Variants in NWD1 observed in about 807,000 individuals in gnomAD.
NWD1 encodes NACHT and WD repeat domain containing 1, also known as NACHT domain- and WD repeat-containing protein 1.
NWD1 carries 129 observed loss-of-function variants against 135.1 expected under a neutral mutation model. That is an observed-to-expected ratio of 0.96 (90% confidence interval 0.83 to 1.11). NWD1 has a LOEUF of 1.11. Among genes scored for constraint, NWD1 ranks in the 50% least tolerant of loss-of-function variants. The pLI is 0.00. For missense variants in NWD1, 1,740 were observed against 1,851.3 expected, an observed-to-expected ratio of 0.94 and a Z score of 1.10; for synonymous variants, 773 against 786.0, an observed-to-expected ratio of 0.98 and a Z score of 0.28.
At chr19:16,761,457 A>T (rs1969009767) in intron 7 of NWD1, among the ~76,000 whole-genome samples, 1 of 151,444 alleles carries the variant, frequency 6.6e-6, no homozygotes, top group East Asian at 1.9e-4. Context: ...GCTCACTGCA[A>T]CCTCCACCTG....
At chr19:16,772,996 G>A in intron 10 of NWD1, 130 bp from the exon 11 acceptor site, 2 of 750,548 alleles carry the variant, frequency 2.7e-6, no homozygotes, top group East Asian at 5.0e-5. Flanking sequence ...GGAGCGGACA[G>A]CAGAGGCCAG....
chr19:16,723,333 G>A (rs1199122497), intron 1 of NWD1, among the ~76,000 whole-genome samples: 1 of 152,046 alleles, frequency 6.6e-6, no homozygotes, highest in Admixed American at 6.6e-5. Flanking sequence ...TGAATAGCTG[G>A]GACTACAGGT....
chr19:16,761,689 A>G (rs573430816), intron 7 of NWD1, among the ~76,000 whole-genome samples: 16 of 152,156 alleles, frequency 1.1e-4, no homozygotes, highest in Non-Finnish European at 2.4e-4. Context: ...AATTCTCGGT[A>G]TATACCCAGG....
Position 16,744,653 on chromosome 19 carries a change from G to T in NWD1, c.431G>T (p.Gly144Val). ...EATLTSVLRSGAQEARRLGLI... is the reference protein window; with the variant it reads ...EATLTSVLRSVAQEARRLGLI... ...ACCTTAACTTCTGTCCTACGCTCTG[G>T]AGCCCAGGAGGCCCGGAGGCTGGGG... The change falls in exon 5 of 19, where the codon GGA (glycine) becomes GTA (valine). Residue 144 changes from glycine (G) to valine (V), a missense_variant. Gly to Val is a moderately radical substitution (Grantham distance 109). Transcript: ENST00000524140. 6.5e-7 allele frequency: 1 copy of T among 1,535,878 alleles called. No individual in the cohort carries two copies.
chr19:16,720,290 G>C lies in NWD1; in HGVS notation c.-108G>C, dbSNP rs1486986580. ...AATAACATGTAGAAACATATCAGCT[G>C]TTGGTGAGTACCATGCAGAAAATTA... On this transcript the variant is annotated 5_prime_UTR_variant, in exon 1 of 19. Coordinates refer to ENST00000524140, the MANE Select transcript of NWD1 (RefSeq NM_001007525.5). 1.3e-5 allele frequency: 2 copies of C among 152,330 alleles called. No individual in the cohort carries two copies. The highest frequency in any genetic ancestry group is 3.9e-4 in the East Asian group (2 of 5,194). 9.4% of individuals were successfully genotyped at this position (152,330 alleles called of 1,614,324 possible). A position where few individuals can be genotyped will look rare whatever the true frequency, so the allele number is the denominator to read the frequency against.
At chr19:16,782,545 A>G (rs1260194870) in intron 12 of NWD1, among the ~76,000 whole-genome samples, 1 of 152,162 alleles carries the variant, frequency 6.6e-6, no homozygotes, top group African/African-American at 2.4e-5. Context: ...TAGAGATGAC[A>G]TATTCAAATT....
At chr19:16,791,286 C>G in intron 13 of NWD1, 64 bp from the exon 14 acceptor site, 2 of 1,459,896 alleles carry the variant, frequency 1.4e-6, no homozygotes, top group Non-Finnish European at 1.9e-6. Context: ...TTGCATTTGA[C>G]TCCGGGAAAC....
At chr19:16,747,759 C>T (rs1968385857) in intron 5 of NWD1, among the ~76,000 whole-genome samples, 1 of 152,134 alleles carries the variant, frequency 6.6e-6, no homozygotes, top group Admixed American at 6.6e-5. Context: ...CATCAATCTG[C>T]TTTCTGTCTC....
intron 12 of NWD1, among the ~76,000 whole-genome samples, chr19:16,783,658 T>A (rs1029797686): frequency 1.2e-4 from 17 of 144,492 alleles, no homozygotes; most frequent in Admixed American, 4.8e-4. Flanking sequence ...AATAAAATAA[T>A]AAATAAATAA....
rs1205720938 is a variant in NWD1 at position 16,785,766 on chromosome 19, A to G, written c.2732-3216A>G. Among the ~76,000 whole-genome samples, 3 of 146,896 alleles carry G rather than the reference A, an allele frequency of 2.0e-5. No homozygotes were observed. The Admixed American group carries it at 2.0e-4, about 10-fold the overall frequency. On this transcript the variant is annotated intron_variant, in intron 12 of 18. Transcript: ENST00000524140. ...CATGAAAGTATATATACATATATAC[A>G]AAAACAAATATATACATAAATATAT... is the stretch of plus-strand genomic sequence containing the variant.
intron 10 of NWD1, among the ~76,000 whole-genome samples, chr19:16,769,410 C>T (rs888211796): frequency 1.3e-5 from 2 of 151,512 alleles, no homozygotes; most frequent in South Asian, 4.1e-4. Flanking sequence ...TGCAGTGAGC[C>T]GGGATCACAC....
chr19:16,815,391 T>C lies in NWD1; in HGVS notation c.*352T>C. The C allele has an allele frequency of 3.1e-6, 2 of 646,214 alleles. No homozygotes were observed. Among genetic ancestry groups the C allele is most frequent in the Non-Finnish European group, 5.6e-6 (2 of 360,240 alleles). The allele number at this position is 646,214 out of a possible 1,614,324, so 40.0% of individuals were successfully genotyped here. On this transcript the variant is annotated 3_prime_UTR_variant, in exon 19 of 19. Coordinates refer to ENST00000524140, the MANE Select transcript of NWD1 (RefSeq NM_001007525.5). ...GCTCCAGTGAGTTAGCCCCATTTAA[T>C]CTAGTTAAAGCAAAAAGAATACGTT... is the stretch of plus-strand genomic sequence containing the variant.
intron 12 of NWD1, among the ~76,000 whole-genome samples, chr19:16,787,904 A>AATCATCATCATC (rs149004219): frequency 2.5e-5 from 3 of 121,042 alleles, no homozygotes; most frequent in Non-Finnish European, 3.4e-5. Context: ...TAATAATAAT[A>AATCATCATCATC]ATCATCATCA....
intron 15 of NWD1, among the ~76,000 whole-genome samples, chr19:16,795,516 A>G (rs1443889787): frequency 6.6e-6 from 1 of 150,626 alleles, no homozygotes; most frequent in East Asian, 2.0e-4. Context: ...TCCCGGGTTC[A>G]AGCGATTCTC....
intron 2 of NWD1, among the ~76,000 whole-genome samples, chr19:16,729,444 C>G (rs1203878456): frequency 6.6e-6 from 1 of 152,004 alleles, no homozygotes; most frequent in Non-Finnish European, 1.5e-5. Context: ...AGTGCAAACA[C>G]CCCGTCTTCA....
chr19:16,731,207 G>A lies in NWD1; in HGVS notation c.10G>A (p.Gly4Arg). 6.5e-7 allele frequency: 1 copy of A among 1,531,558 alleles called. No individual in the cohort carries two copies. The highest frequency in any genetic ancestry group is 8.8e-7 in the Non-Finnish European group (1 of 1,142,684). 94.9% of individuals were successfully genotyped at this position (1,531,558 alleles called of 1,614,324 possible). Residue 4 changes from glycine (G) to arginine (R), a missense_variant, in exon 3 of 19, where the codon GGG becomes AGG. By Grantham distance (125) the Gly-to-Arg change is moderately radical. Coordinates refer to ENST00000524140, the MANE Select transcript of NWD1 (RefSeq NM_001007525.5). ...TTCCTTGCAGATATGGATGCAGAGA[G>A]GGAAGCCCTGCAGAGCACTGCCTAC... MQR[G>R]KPCRALPTLK...
intron 13 of NWD1, among the ~76,000 whole-genome samples, chr19:16,789,490 G>A (rs139562154): frequency 6.6e-5 from 10 of 152,098 alleles, no homozygotes; most frequent in African/African-American, 9.6e-5. Flanking sequence ...AAATTTTGAC[G>A]TGTGTTTTCA....
Position 16,749,197 on chromosome 19 carries a change from C to G in NWD1, c.555C>G (p.Ala185=), listed in dbSNP as rs767911271. The G allele has an allele frequency of 2.5e-6, 4 of 1,613,718 alleles. No homozygotes were observed. In the Admixed American group the frequency reaches 6.7e-5, roughly 27 times the overall value. The change falls in exon 6 of 19, where the codon GCC becomes GCG. Residue 185 remains alanine (A), a synonymous_variant. Transcript: ENST00000524140. ...GCTCAGAGGACCGGGAACAGGGAGC[C>G]ACCGTCTTCCTTAGAGAGATCCAAG... ...LLSSEDREQG[A]TVFLREIQDL...
chr19:16,762,191 A>T, intron 8 of NWD1, 53 bp downstream of exon 8: 1 of 1,540,006 alleles, frequency 6.5e-7, no homozygotes, highest in Non-Finnish European at 8.9e-7. Flanking sequence ...CCTGCCTGGC[A>T]TTGCTCACCT....
Sources: gnomAD v4.1 joint callset for allele counts (sites outside exome capture counted in the v4.1 genomes callset) on GRCh38, gnomAD v4.1.1 for gene constraint, MANE v1.5 for transcripts, NCBI Gene and HGNC (gene_info 2026-07-23, HGNC 2026-07-21) for gene names.